The following GUCY1A2 variants were observed in gnomAD, a reference collection of about 807,000 sequenced individuals.
GUCY1A2 encodes guanylate cyclase 1 soluble subunit alpha 2, also known as guanylate cyclase soluble subunit alpha-2.
GUCY1A2 carries 27 observed loss-of-function variants against 63.5 expected under a neutral mutation model. The observed-to-expected ratio is 0.43, with a 90% CI of 0.31 to 0.59. The LOEUF (loss-of-function observed/expected upper bound fraction) is 0.59, where lower values mean the gene tolerates loss of function less well. Among genes scored for constraint, GUCY1A2 ranks in the 20% least tolerant of loss-of-function variants. GUCY1A2 has a pLI of 0.11. For synonymous variants in GUCY1A2, 364 were observed against 343.5 expected (o/e 1.06, Z -0.66); for missense variants, 768 against 913.3 (o/e 0.84, Z 2.05).
intron 4 of GUCY1A2, among the ~76,000 whole-genome samples, chr11:106,915,910 G>A (rs1860363705): frequency 2.1e-5 from 3 of 144,154 alleles, no homozygotes; most frequent in Admixed American, 1.4e-4. Context: ...CTGAAATAGA[G>A]GAGCTTCTAT....
chr11:106,781,607 A>G (rs1359321928), intron 5 of GUCY1A2, among the ~76,000 whole-genome samples: 1 of 152,038 alleles, frequency 6.6e-6, no homozygotes, highest in African/African-American at 2.4e-5. Flanking sequence ...CTGCCTACTT[A>G]GACTGGAGTA....
intron 4 of GUCY1A2, among the ~76,000 whole-genome samples, chr11:106,837,014 T>C (rs1445147213): frequency 6.6e-6 from 1 of 151,896 alleles, no homozygotes; most frequent in Non-Finnish European, 1.5e-5. Flanking sequence ...TTATTTTTGG[T>C]TCAGGGGTAC....
chr11:106,921,285 G>A lies in GUCY1A2; in HGVS notation c.1206+18175C>T, dbSNP rs560453481. On this transcript the variant is annotated intron_variant, in intron 4 of 7. Coordinates refer to ENST00000526355, the MANE Select transcript of GUCY1A2 (RefSeq NM_000855.3). ...CAGCATCACTTCTCTTACTGGACCTGACTAGAAAAATCCCTCAGCTGTTTC... is the reference window on the plus strand; with the variant it reads ...CAGCATCACTTCTCTTACTGGACCTAACTAGAAAAATCCCTCAGCTGTTTC... Among the ~76,000 whole-genome samples, 56 of 151,904 alleles carry A rather than the reference G, an allele frequency of 3.7e-4. 1 individual carries two copies. Among genetic ancestry groups the A allele is most frequent in the Non-Finnish European group, 6.0e-4 (41 of 67,946 alleles).
In GUCY1A2 at chr11:106,826,447, G is replaced by A. The variant is rs184318868; in HGVS notation, c.1207-15969C>T. 1,447 of 1,574,356 alleles carry A rather than the reference G, an allele frequency of 9.2e-4. 6 individuals carry two copies. The highest frequency in any genetic ancestry group is 8.0e-3 in the Middle Eastern group (48 of 5,990). The stretch of plus-strand genomic sequence containing the variant: ...TGGATCTAGCAGATCTTCTCCATAT[G>A]ATGAAAGATTCATTTGGTTTAAGAT... On this transcript the variant is annotated intron_variant, in intron 4 of 7. Coordinates refer to ENST00000526355, the MANE Select transcript of GUCY1A2 (RefSeq NM_000855.3).
chr11:107,015,186 G>A (rs1357245465), intron 1 of GUCY1A2, among the ~76,000 whole-genome samples: 1 of 152,118 alleles, frequency 6.6e-6, no homozygotes, highest in Non-Finnish European at 1.5e-5. Context: ...TGTTGAAAAT[G>A]TTTACAGTAT....
At chr11:106,771,577 C>A (rs187833672) in intron 6 of GUCY1A2, among the ~76,000 whole-genome samples, 14 of 152,128 alleles carry the variant, frequency 9.2e-5, no homozygotes, top group Non-Finnish European at 1.8e-4. Context: ...GAGAGACCCC[C>A]ATCTCTACTA....
At position 106,947,645 on chromosome 11, in the gene GUCY1A2, G is replaced by T. The variant is rs140275819; in HGVS notation, c.488-7467C>A. Among the ~76,000 whole-genome samples, 33 of 151,998 alleles carry T rather than the reference G, an allele frequency of 2.2e-4. No homozygotes were observed. In the East Asian group the frequency reaches 5.8e-3, roughly 27 times the overall value. ...CATAAAATATTTTAAAGATTTTACA[G>T]ATCACATTTTTAATAATAAACAGAA... On this transcript the variant is annotated intron_variant, in intron 3 of 7. Transcript: ENST00000526355.
At position 106,991,491 on chromosome 11, in the gene GUCY1A2, C is replaced by T. The variant is rs576707856; in HGVS notation, c.304-5360G>A. ...CCCAGATTTTCCAGTTGAATTGGTGCGGGGGGACCCAGTTGCTTCCAATGT... is the reference window on the plus strand; with the variant it reads ...CCCAGATTTTCCAGTTGAATTGGTGTGGGGGGACCCAGTTGCTTCCAATGT... On this transcript the variant is annotated intron_variant, in intron 1 of 7. Coordinates refer to ENST00000526355, the MANE Select transcript of GUCY1A2 (RefSeq NM_000855.3). 7.2e-5 allele frequency among the ~76,000 whole-genome samples: 11 copies of T among 152,212 alleles called. No individual in the cohort carries two copies. The East Asian group carries it at 7.7e-4, about 11-fold the overall frequency.
intron 3 of GUCY1A2, among the ~76,000 whole-genome samples, chr11:106,960,196 A>G (rs1171640190): frequency 6.6e-6 from 1 of 150,450 alleles, no homozygotes; most frequent in Non-Finnish European, 1.5e-5. Context: ...AATAAACAGC[A>G]CTAAGCTGTT....
chr11:106,994,018 G>C (rs1224745324), intron 1 of GUCY1A2, among the ~76,000 whole-genome samples: 1 of 152,116 alleles, frequency 6.6e-6, no homozygotes, highest in Non-Finnish European at 1.5e-5. Flanking sequence ...ATCCATACTG[G>C]TTTAACATCT....
intron 4 of GUCY1A2, among the ~76,000 whole-genome samples, chr11:106,897,229 C>T (rs746503461): frequency 6.6e-6 from 1 of 152,082 alleles, no homozygotes; most frequent in Non-Finnish European, 1.5e-5. Flanking sequence ...AGTCTATGTT[C>T]ATAAATAGAA....
intron 3 of GUCY1A2, among the ~76,000 whole-genome samples, chr11:106,965,455 GTGTA>G (rs1163046240): frequency 6.6e-6 from 1 of 152,154 alleles, no homozygotes; most frequent in Non-Finnish European, 1.5e-5. Context: ...AGGCATATAT[GTGTA>G]TGTGTGTGTA....
In GUCY1A2 at chr11:106,686,085, C is replaced by T. The variant is rs147467328; in HGVS notation, c.*1464G>A. ...AAGCTATCAATGAGTAAGAAAATGA[C>T]CTCTCCAAGGCTTAAAGGAAACAAA... is the stretch of plus-strand genomic sequence containing the variant. On this transcript the variant is annotated 3_prime_UTR_variant, in exon 8 of 8. Transcript: ENST00000526355. 34 of 215,484 alleles carry T rather than the reference C, an allele frequency of 1.6e-4. No homozygotes were observed. The highest frequency in any genetic ancestry group is 7.4e-4 in the African/African-American group (33 of 44,472). 13.3% of individuals were successfully genotyped at this position (215,484 alleles called of 1,614,324 possible). A position where few individuals can be genotyped will look rare whatever the true frequency, so the allele number is the denominator to read the frequency against.
At chr11:106,908,618 A>C (rs1235118201) in intron 4 of GUCY1A2, among the ~76,000 whole-genome samples, 1 of 152,008 alleles carries the variant, frequency 6.6e-6, no homozygotes, top group Non-Finnish European at 1.5e-5. Flanking sequence ...GATGTGAGGA[A>C]TATCATTACT....
chr11:106,915,620 G>A (rs1860360484), intron 4 of GUCY1A2, among the ~76,000 whole-genome samples: 1 of 124,870 alleles, frequency 8.0e-6, no homozygotes, highest in Non-Finnish European at 1.9e-5. Context: ...AGGAAACATG[G>A]TGATTATCTC....
chr11:106,984,040 G>C (rs529661024), intron 2 of GUCY1A2, among the ~76,000 whole-genome samples: 1 of 152,236 alleles, frequency 6.6e-6, no homozygotes, highest in South Asian at 2.1e-4. Flanking sequence ...AGAATAAAAG[G>C]CAAAAGAGGA....
chr11:106,704,892 A>ATATAT (rs1461983343), intron 7 of GUCY1A2, among the ~76,000 whole-genome samples: 1 of 150,436 alleles, frequency 6.6e-6, no homozygotes, highest in Non-Finnish European at 1.5e-5. Context: ...TATATGATAT[A>ATATAT]TATATTATAT....
At chr11:106,879,922 A>T (rs1303883559) in intron 4 of GUCY1A2, among the ~76,000 whole-genome samples, 1 of 152,062 alleles carries the variant, frequency 6.6e-6, no homozygotes, top group Non-Finnish European at 1.5e-5. Context: ...CAGTTAATCT[A>T]ATTTTAAAAA....
rs1301687568 is a variant in GUCY1A2 at position 106,710,232 on chromosome 11, A to T, written c.1837-1566T>A. ...ATATACATGTATATAATATAGTTAT[A>T]TATATAATATATAGTTATATATTAT... On this transcript the variant is annotated intron_variant, in intron 6 of 7. Transcript: ENST00000526355. Among the ~76,000 whole-genome samples, 16 of 33,540 alleles carry T rather than the reference A, an allele frequency of 4.8e-4. 1 individual carries two copies. The highest frequency in any genetic ancestry group is 2.1e-3 in the African/African-American group (15 of 7,186). 22.0% of individuals were successfully genotyped at this position (33,540 alleles called of 152,430 possible). A position where few individuals can be genotyped will look rare whatever the true frequency, so the allele number is the denominator to read the frequency against.
Sources: allele counts gnomAD v4.1 joint callset (sites outside exome capture counted in the v4.1 genomes callset), GRCh38; gene constraint gnomAD v4.1.1; transcripts MANE v1.5; gene names NCBI Gene and HGNC (gene_info 2026-07-23, HGNC 2026-07-21).